The following COL4A1 variants were observed in gnomAD, a reference collection of about 807,000 sequenced individuals.
The protein encoded by COL4A1 is collagen type IV alpha 1 chain.
In COL4A1, 40 loss-of-function variants were observed where a neutral mutation model predicts 216.6. The observed-to-expected ratio is 0.18, with a 90% CI of 0.14 to 0.24. The LOEUF is 0.24. Ranked by LOEUF, COL4A1 falls within the 10% of genes least tolerant of loss-of-function variation. The pLI is 1.00. For synonymous variants in COL4A1, 839 were observed against 810.7 expected (o/e 1.03, Z -0.59); for missense variants, 1,628 against 2,196.8 (o/e 0.74, Z 5.18).
Position 110,162,292 on chromosome 13 carries a change from A to T in COL4A1, c.4400T>A (p.Leu1467His), listed in dbSNP as rs772544207. The stretch of plus-strand genomic sequence containing the variant: ...GTAGAGCAAAGAGTACCCGTGGTAA[A>T]GAATTTTGGTCCCAGAAGGACACTG... The part of the protein sequence containing the change: ...DPQCPSGTKI[L>H]YHGYSLLYVQ... The change falls in exon 48 of 52, where the codon CTT becomes CAT. Residue 1467 changes from leucine to histidine, a missense_variant. Around this residue, in one of 8 missense-constraint regions of COL4A1, gnomAD observed 254 missense variants for 300.1 expected, o/e 0.85. Coordinates refer to ENST00000375820, the MANE Select transcript of COL4A1 (RefSeq NM_001845.6). The T allele has an allele frequency of 6.2e-7, 1 of 1,614,250 alleles. No individual in the cohort carries two copies. Among genetic ancestry groups the T allele is most frequent in the Admixed American group, 1.7e-5 (1 of 60,026 alleles).
At chr13:110,198,663 C>G in intron 20 of COL4A1, 32 bp from the exon 21 acceptor site, 2 of 1,613,480 alleles carry the variant, frequency 1.2e-6, no homozygotes, top group Non-Finnish European at 1.7e-6. Flanking sequence ...CATCAGTAAC[C>G]TCAGGGCCAC....
At chr13:110,167,957 ATAAG>A (rs1278886782) in intron 43 of COL4A1, among the ~76,000 whole-genome samples, 3 of 152,356 alleles carry the variant, frequency 2.0e-5, no homozygotes, top group African/African-American at 7.2e-5. Context: ...ATATTTATAC[ATAAG>A]TATGTATACA....
chr13:110,232,573 T>C (rs6492247), intron 2 of COL4A1, among the ~76,000 whole-genome samples: 124,606 of 152,134 alleles, frequency 0.82, 52,158 homozygotes, highest in East Asian at 0.99. Context: ...TTTGCTCCCC[T>C]GAAAAGAAAG....
At position 110,165,208 on chromosome 13, in the gene COL4A1, T is replaced by C. The variant is rs150326519; in HGVS notation, c.4022-218A>G. Among the ~76,000 whole-genome samples the C allele has an allele frequency of 9.2e-5, 14 of 152,278 alleles. No homozygotes were observed. The East Asian group carries it at 1.7e-3, about 19-fold the overall frequency. ...AATCCTGAACTCTCGGGCAAAGGCATTGGGGCATCAGCGTAACTTCCCACT... is the reference window on the plus strand; with the variant it reads ...AATCCTGAACTCTCGGGCAAAGGCACTGGGGCATCAGCGTAACTTCCCACT... On this transcript the variant is annotated intron_variant, in intron 45 of 51. Coordinates refer to ENST00000375820, the MANE Select transcript of COL4A1 (RefSeq NM_001845.6).
At chr13:110,164,517 T>C (rs1054342980) in intron 46 of COL4A1, among the ~76,000 whole-genome samples, 2 of 152,070 alleles carry the variant, frequency 1.3e-5, no homozygotes, top group East Asian at 1.9e-4. Flanking sequence ...AGAGCACCGA[T>C]TTTTACCATT....
intron 16 of COL4A1, 26 bp from the exon 17 acceptor site, chr13:110,205,432 C>T (rs189738910): frequency 5.1e-4 from 824 of 1,613,030 alleles, no homozygotes; most frequent in African/African-American, 1.6e-3. Context: ...GAAGCAGTAA[C>T]CGTCAGAGGC....
intron 1 of COL4A1, among the ~76,000 whole-genome samples, chr13:110,275,176 T>A (rs1471364722): frequency 2.0e-5 from 3 of 152,202 alleles, no homozygotes; most frequent in African/African-American, 7.2e-5. Flanking sequence ...AGAGGACTGT[T>A]ATCCAAAATA....
chr13:110,257,253 C>G (rs1481731949), intron 1 of COL4A1, among the ~76,000 whole-genome samples: 1 of 152,110 alleles, frequency 6.6e-6, no homozygotes, highest in Non-Finnish European at 1.5e-5. Flanking sequence ...TACAGAATAA[C>G]GAACATGTGG....
intron 23 of COL4A1, 46 bp from the exon 24 acceptor site, chr13:110,192,330 G>T: frequency 6.4e-7 from 1 of 1,563,760 alleles, no homozygotes; most frequent in Non-Finnish European, 8.8e-7. Flanking sequence ...GCATTCATGA[G>T]ACACTTCTCA....
intron 1 of COL4A1, among the ~76,000 whole-genome samples, chr13:110,264,285 A>C (rs1211186782): frequency 6.6e-6 from 1 of 152,210 alleles, no homozygotes; most frequent in East Asian, 1.9e-4. Flanking sequence ...GTGTATTTTC[A>C]GCTCTCAGAA....
chr13:110,250,956 T>C lies in COL4A1; in HGVS notation c.85-8222A>G, dbSNP rs9583476. On this transcript the variant is annotated intron_variant, in intron 1 of 51. Coordinates refer to ENST00000375820, the MANE Select transcript of COL4A1 (RefSeq NM_001845.6). ...GAGAAGGAATCTCCCACCCATAGAG[T>C]TGTCACTCTTAGCTACTCTTCCCGG... Among the ~76,000 whole-genome samples the C allele has an allele frequency of 7.4e-3, 1,130 of 152,214 alleles. 16 individuals carry two copies. The highest frequency in any genetic ancestry group is 0.026 in the African/African-American group (1,068 of 41,518).
At chr13:110,175,131 T>A in intron 37 of COL4A1, 87 bp downstream of exon 37, 3 of 1,526,372 alleles carry the variant, frequency 2.0e-6, no homozygotes, top group Non-Finnish European at 2.7e-6. Context: ...GCTCATTGAG[T>A]GTGCTGAGAT....
chr13:110,261,564 T>C (rs1369009950), intron 1 of COL4A1, among the ~76,000 whole-genome samples: 6 of 152,146 alleles, frequency 3.9e-5, no homozygotes, highest in East Asian at 1.9e-4. Context: ...TTACTGAAGA[T>C]AAGAAGGAAG....
At chr13:110,182,676 T>C (rs1878222095) in intron 28 of COL4A1, among the ~76,000 whole-genome samples, 1 of 152,214 alleles carries the variant, frequency 6.6e-6, no homozygotes, top group Admixed American at 6.5e-5. Context: ...CCTGGCTGTG[T>C]TCAGGTGGAC....
chr13:110,177,977 C>G (rs750852609), intron 32 of COL4A1, 46 bp from the exon 33 acceptor site: 1 of 1,613,790 alleles, frequency 6.2e-7, no homozygotes, highest in Non-Finnish European at 8.5e-7. Context: ...GCTCTGAATG[C>G]TGACAGTAAA....
At chr13:110,222,647 C>T (rs1354146987) in intron 2 of COL4A1, among the ~76,000 whole-genome samples, 4 of 146,144 alleles carry the variant, frequency 2.7e-5, no homozygotes, top group Non-Finnish European at 6.0e-5. Context: ...GTGGCGGGCA[C>T]CTGTAGTCCC....
chr13:110,288,296 A>G (rs1468423346), intron 1 of COL4A1, among the ~76,000 whole-genome samples: 5 of 151,114 alleles, frequency 3.3e-5, no homozygotes, highest in Non-Finnish European at 5.9e-5. Flanking sequence ...TAATAATAAT[A>G]ATTAAGCCTG....
intron 40 of COL4A1, 136 bp from the exon 41 acceptor site, chr13:110,172,906 T>C: frequency 2.7e-6 from 2 of 753,010 alleles, no homozygotes; most frequent in South Asian, 2.9e-5. Flanking sequence ...ATTGCACCCT[T>C]GTAATAAAAT....
At chr13:110,206,632 T>C (rs1285175695) in intron 15 of COL4A1, 33 bp downstream of exon 15, 2 of 1,612,040 alleles carry the variant, frequency 1.2e-6, no homozygotes, top group Admixed American at 1.7e-5. Context: ...AGGAGAATTG[T>C]TTTATGATAA....
Sources: allele counts gnomAD v4.1 joint callset (sites outside exome capture counted in the v4.1 genomes callset), GRCh38; gene constraint gnomAD v4.1.1; regional missense constraint gnomAD v4.1.1; transcripts MANE v1.5; gene names NCBI Gene and HGNC (gene_info 2026-07-23, HGNC 2026-07-21).